The following AMD1 variants were observed in gnomAD, a reference collection of about 807,000 sequenced individuals.
The protein encoded by AMD1 is S-adenosylmethionine decarboxylase proenzyme.
In AMD1, 11 loss-of-function variants were observed where a neutral mutation model predicts 40.2. That is an observed-to-expected ratio of 0.27 (90% confidence interval 0.17 to 0.45). AMD1 has a LOEUF of 0.45. Ranked by LOEUF, AMD1 falls within the 20% of genes least tolerant of loss-of-function variation. AMD1 has a pLI of 1.00. For synonymous variants in AMD1, 121 were observed against 130.8 expected (o/e 0.93, Z 0.51); for missense variants, 257 against 410.2 (o/e 0.63, Z 3.23).
chr6:110,855,991 GATTA>G, the AMD1 span, among the ~76,000 whole-genome samples: 1 of 152,102 alleles, frequency 6.6e-6, no homozygotes, highest in African/African-American at 2.4e-5. Flanking sequence ...GCGGTAGGAG[GATTA>G]ATTGAGCCTG....
upstream of AMD1, among the ~76,000 whole-genome samples, chr6:110,874,204 T>G (rs1197959981): frequency 6.6e-6 from 1 of 152,204 alleles, no homozygotes; most frequent in Non-Finnish European, 1.5e-5. Flanking sequence ...CATTCGCACA[T>G]CAGCCAAGGC....
the AMD1 span, among the ~76,000 whole-genome samples, chr6:110,821,928 A>G: frequency 1.4e-4 from 22 of 152,332 alleles, no homozygotes; most frequent in African/African-American, 5.1e-4. Context: ...ACAAGAATAA[A>G]CCAAACCCGA....
At chr6:110,824,450 A>AC in the AMD1 span, among the ~76,000 whole-genome samples, 2 of 152,168 alleles carry the variant, frequency 1.3e-5, no homozygotes, top group Non-Finnish European at 2.9e-5. Context: ...TTAAGAGATA[A>AC]AAAATGACAT....
chr6:110,852,304 C>T, the AMD1 span, among the ~76,000 whole-genome samples: 1 of 145,402 alleles, frequency 6.9e-6, no homozygotes, highest in African/African-American at 2.5e-5. Flanking sequence ...TCACTGCAAC[C>T]TCTGCCTCCT....
the AMD1 span, among the ~76,000 whole-genome samples, chr6:110,829,277 A>G: frequency 5.9e-5 from 9 of 151,972 alleles, no homozygotes; most frequent in Admixed American, 2.6e-4. Flanking sequence ...CACACCTGCA[A>G]TCCCAACACT....
the AMD1 span, among the ~76,000 whole-genome samples, chr6:110,822,660 G>A: frequency 6.6e-6 from 1 of 152,136 alleles, no homozygotes; most frequent in Non-Finnish European, 1.5e-5. Context: ...TATCCCTGAT[G>A]AACATAGATG....
chr6:110,874,985 A>AG lies in AMD1; in HGVS notation c.-121_-120insG. The AG allele has an allele frequency of 1.5e-6, 1 of 682,096 alleles. No homozygotes were observed. Among genetic ancestry groups the AG allele is most frequent in the Admixed American group, 3.0e-5 (1 of 33,054 alleles). The allele number at this position is 682,096 out of a possible 1,614,324, so 42.3% of individuals were successfully genotyped here. A position where few individuals can be genotyped will look rare whatever the true frequency, so the allele number is the denominator to read the frequency against. ...AATATAAAATTATAGCAAAAAAAAA[A>AG]AGGAACCTGAACTTTAGTAACACAG... On this transcript the variant is annotated 5_prime_UTR_variant, in exon 1 of 9. Transcript: ENST00000368885.
intron 1 of AMD1, among the ~76,000 whole-genome samples, chr6:110,880,612 C>T (rs1189879928): frequency 2.6e-5 from 4 of 151,928 alleles, no homozygotes; most frequent in Non-Finnish European, 5.9e-5. Context: ...TTTGTGGAAG[C>T]GATGTTTTTC....
At chr6:110,858,468 G>A in the AMD1 span, 4 of 1,213,572 alleles carry the variant, frequency 3.3e-6, no homozygotes, top group Non-Finnish European at 4.9e-6. Flanking sequence ...AAGATCAACC[G>A]TTCCATGCAG....
the AMD1 span, among the ~76,000 whole-genome samples, chr6:110,860,866 CACACAG>C: frequency 8.3e-5 from 12 of 145,440 alleles, no homozygotes; most frequent in African/African-American, 3.2e-4. Flanking sequence ...CACACACACA[CACACAG>C]AGAGAGAGAA....
At chr6:110,835,383 A>G in the AMD1 span, among the ~76,000 whole-genome samples, 1 of 152,298 alleles carries the variant, frequency 6.6e-6, no homozygotes. Context: ...AAAGTTAGTT[A>G]TAATGTGGAA....
the AMD1 span, among the ~76,000 whole-genome samples, chr6:110,841,608 G>T: frequency 1.3e-5 from 2 of 151,634 alleles, no homozygotes; most frequent in African/African-American, 4.9e-5. Flanking sequence ...TAGATTGTGC[G>T]GTCTGGCTCC....
chr6:110,862,630 CT>C, the AMD1 span, among the ~76,000 whole-genome samples: 1 of 151,856 alleles, frequency 6.6e-6, no homozygotes, highest in Admixed American at 6.6e-5. Flanking sequence ...CCACGCCTGG[CT>C]AATTTTTGTA....
chr6:110,860,513 C>T, the AMD1 span, among the ~76,000 whole-genome samples: 2 of 151,886 alleles, frequency 1.3e-5, no homozygotes, highest in Non-Finnish European at 2.9e-5. Flanking sequence ...AAAAAACACA[C>T]ACATACTGGG....
the AMD1 span, among the ~76,000 whole-genome samples, chr6:110,828,287 C>T: frequency 1.3e-5 from 2 of 151,964 alleles, no homozygotes; most frequent in Non-Finnish European, 2.9e-5. Flanking sequence ...AAAAATTAGC[C>T]GGGTATGGGT....
the AMD1 span, among the ~76,000 whole-genome samples, chr6:110,847,456 C>T: frequency 5.4e-4 from 81 of 151,390 alleles, no homozygotes; most frequent in Non-Finnish European, 9.9e-4. Context: ...ACCCGGGAGA[C>T]GGAGCTTGCA....
intron 2 of AMD1, 41 bp from the exon 3 acceptor site, chr6:110,888,816 C>T (rs199938532): frequency 6.1e-5 from 97 of 1,592,048 alleles, no homozygotes; most frequent in Middle Eastern, 4.5e-4. Flanking sequence ...CTCAGTAGTA[C>T]ATTAGTATTG....
the AMD1 span, chr6:110,815,267 G>T: frequency 1.9e-6 from 2 of 1,064,224 alleles, no homozygotes; most frequent in Non-Finnish European, 2.4e-6. Flanking sequence ...GCCGCCCGCC[G>T]CCCGCCGCTC....
At chr6:110,868,954 G>A in the AMD1 span, among the ~76,000 whole-genome samples, 1 of 151,652 alleles carries the variant, frequency 6.6e-6, no homozygotes, top group Non-Finnish European at 1.5e-5. Flanking sequence ...CAGCTACTCG[G>A]GAGGCTGAAG....
Sources: gnomAD v4.1 joint callset for allele counts (sites outside exome capture counted in the v4.1 genomes callset) on GRCh38, gnomAD v4.1.1 for gene constraint, MANE v1.5 for transcripts, NCBI Gene and HGNC (gene_info 2026-07-23, HGNC 2026-07-21) for gene names.